Variants in TMCC1 observed in about 807,000 individuals in gnomAD.
The protein encoded by TMCC1 is transmembrane and coiled-coil domains protein 1.
A neutral mutation model predicts 52.4 loss-of-function variants in TMCC1; 15 were observed. That is an observed-to-expected ratio of 0.29 (90% confidence interval 0.19 to 0.44). The LOEUF (loss-of-function observed/expected upper bound fraction) is 0.44. Among genes scored for constraint, TMCC1 ranks in the 20% least tolerant of loss-of-function variants. TMCC1 has a pLI of 1.00. For missense variants in TMCC1, 503 were observed against 806.0 expected, an observed-to-expected ratio of 0.62 and a Z score of 4.55; for synonymous variants, 279 against 301.9, an observed-to-expected ratio of 0.92 and a Z score of 0.79.
intron 4 of TMCC1, among the ~76,000 whole-genome samples, chr3:129,784,432 G>C (rs916755169): frequency 6.6e-6 from 1 of 151,920 alleles, no homozygotes; most frequent in African/African-American, 2.4e-5. Context: ...CCGGTGCAGT[G>C]GCGGGCGCCT....
chr3:129,760,452 CTCTGTGTGTGTG>C (rs1383433756), intron 4 of TMCC1, among the ~76,000 whole-genome samples: 4 of 68,348 alleles, frequency 5.9e-5, no homozygotes, highest in East Asian at 4.3e-4. Context: ...GACAGTCTCG[CTCTGTGTGTGTG>C]TGTGTGTGTG....
At chr3:129,783,470 C>A (rs141931209) in intron 4 of TMCC1, among the ~76,000 whole-genome samples, 4 of 151,938 alleles carry the variant, frequency 2.6e-5, no homozygotes, top group African/African-American at 9.7e-5. Flanking sequence ...ATGATATACC[C>A]CTTATTAAAT....
chr3:129,804,449 T>A (rs1386206386), intron 4 of TMCC1, among the ~76,000 whole-genome samples: 1 of 152,210 alleles, frequency 6.6e-6, no homozygotes, highest in Non-Finnish European at 1.5e-5. Context: ...AGGCCTCCCC[T>A]GACCCCTTTG....
chr3:129,764,058 T>C (rs2053878316), intron 4 of TMCC1, among the ~76,000 whole-genome samples: 1 of 152,218 alleles, frequency 6.6e-6, no homozygotes, highest in Admixed American at 6.5e-5. Context: ...AAATTGGATC[T>C]AAAGTTTAAA....
chr3:129,791,988 T>G (rs1168759730), intron 4 of TMCC1, among the ~76,000 whole-genome samples: 1 of 152,118 alleles, frequency 6.6e-6, no homozygotes, highest in Non-Finnish European at 1.5e-5. Flanking sequence ...TTATATCTTC[T>G]TTCAGAAAAT....
intron 4 of TMCC1, among the ~76,000 whole-genome samples, chr3:129,678,639 T>G (rs1042846993): frequency 6.6e-6 from 1 of 151,940 alleles, no homozygotes; most frequent in Admixed American, 6.6e-5. Context: ...GGATTACAGG[T>G]GTGAGCCACC....
chr3:129,715,221 A>AT (rs1169648766), intron 4 of TMCC1, among the ~76,000 whole-genome samples: 4 of 152,180 alleles, frequency 2.6e-5, no homozygotes, highest in Non-Finnish European at 4.4e-5. Context: ...CTGAAGACAA[A>AT]TGTTTTCCTT....
At chr3:129,754,041 A>G (rs2052771447) in intron 4 of TMCC1, among the ~76,000 whole-genome samples, 1 of 152,196 alleles carries the variant, frequency 6.6e-6, no homozygotes, top group South Asian at 2.1e-4. Flanking sequence ...AGGTCACAGG[A>G]CACAAGGTCA....
chr3:129,729,012 G>C (rs1159526720), intron 4 of TMCC1, among the ~76,000 whole-genome samples: 1 of 152,092 alleles, frequency 6.6e-6, no homozygotes, highest in Non-Finnish European at 1.5e-5. Context: ...ATTGTGAGTA[G>C]AGATGCCATA....
At chr3:129,799,984 C>T (rs1389839598) in intron 4 of TMCC1, among the ~76,000 whole-genome samples, 1 of 152,110 alleles carries the variant, frequency 6.6e-6, no homozygotes, top group East Asian at 1.9e-4. Context: ...ATGTCCATAT[C>T]AAGATATAGA....
chr3:129,691,605 A>C (rs1448119473), intron 4 of TMCC1, among the ~76,000 whole-genome samples: 1 of 152,020 alleles, frequency 6.6e-6, no homozygotes, highest in Non-Finnish European at 1.5e-5. Flanking sequence ...ACATAACAAG[A>C]CCCTGTCTCT....
intron 4 of TMCC1, among the ~76,000 whole-genome samples, chr3:129,751,201 A>G (rs1188729348): frequency 6.6e-6 from 1 of 150,542 alleles, no homozygotes; most frequent in African/African-American, 2.4e-5. Flanking sequence ...ACCTGTCTCA[A>G]AAAACAAAAC....
intron 4 of TMCC1, among the ~76,000 whole-genome samples, chr3:129,798,695 T>C (rs1286768907): frequency 6.6e-6 from 1 of 152,180 alleles, no homozygotes; most frequent in Non-Finnish European, 1.5e-5. Context: ...CAGTAATTTC[T>C]CCATTCTAAA....
At chr3:129,810,320 T>C (rs1379652843) in intron 4 of TMCC1, among the ~76,000 whole-genome samples, 5 of 151,668 alleles carry the variant, frequency 3.3e-5, no homozygotes, top group Middle Eastern at 6.3e-3. Flanking sequence ...ATTGCACCAC[T>C]GGGCAACAGA....
chr3:129,724,621 A>T (rs1311469903), intron 4 of TMCC1, among the ~76,000 whole-genome samples: 1 of 152,174 alleles, frequency 6.6e-6, no homozygotes. Flanking sequence ...ATACATCATC[A>T]TTTCTTTTTA....
At chr3:129,726,052 C>T (rs962525218) in intron 4 of TMCC1, among the ~76,000 whole-genome samples, 9 of 152,206 alleles carry the variant, frequency 5.9e-5, no homozygotes, top group African/African-American at 1.2e-4. Flanking sequence ...CAGACAGGTA[C>T]CTGTATCTAC....
At chr3:129,848,086 T>G (rs1244046915) in intron 2 of TMCC1, 1 of 152,212 alleles carries the variant, frequency 6.6e-6, no homozygotes, top group Non-Finnish European at 1.5e-5. Context: ...GTTCTGCAAA[T>G]ATTTTCTCCC....
At chr3:129,658,141 C>T (rs901285459) in intron 5 of TMCC1, among the ~76,000 whole-genome samples, 3 of 152,200 alleles carry the variant, frequency 2.0e-5, no homozygotes, top group African/African-American at 4.8e-5. Context: ...CTCCTTCAAT[C>T]GATGGATGCT....
chr3:129,797,740 C>T (rs929907272), intron 4 of TMCC1, among the ~76,000 whole-genome samples: 7 of 152,108 alleles, frequency 4.6e-5, no homozygotes, highest in African/African-American at 1.7e-4. Flanking sequence ...GAGACCCTGT[C>T]TCAAAACAAA....
Sources: gnomAD v4.1 joint callset for allele counts (sites outside exome capture counted in the v4.1 genomes callset) on GRCh38, gnomAD v4.1.1 for gene constraint, MANE v1.5 for transcripts, NCBI Gene and HGNC (gene_info 2026-07-23, HGNC 2026-07-21) for gene names.